QTMAN: variants seen among roughly 807,000 people sequenced by gnomAD.
The protein encoded by QTMAN is tRNA-queuosine alpha-mannosyltransferase.
chr2:143,967,051 A>G, the QTMAN span, among the ~76,000 whole-genome samples: 1 of 152,348 alleles, frequency 6.6e-6, no homozygotes, highest in South Asian at 2.1e-4. Context: ...TGAAAGAGAA[A>G]TGCTTGACTC....
At chr2:144,296,251 G>C in the QTMAN span, among the ~76,000 whole-genome samples, 1 of 152,120 alleles carries the variant, frequency 6.6e-6, no homozygotes, top group Non-Finnish European at 1.5e-5. Flanking sequence ...TGAGTAAACT[G>C]TCTCTCTTAC....
chr2:144,132,560 CAT>C, the QTMAN span, among the ~76,000 whole-genome samples: 1 of 152,088 alleles, frequency 6.6e-6, no homozygotes, highest in Non-Finnish European at 1.5e-5. Context: ...AACAGCTGTA[CAT>C]GTGACCTTTC....
At chr2:144,017,853 AAACTAG>A in the QTMAN span, among the ~76,000 whole-genome samples, 1 of 152,190 alleles carries the variant, frequency 6.6e-6, no homozygotes, top group Non-Finnish European at 1.5e-5. Flanking sequence ...CCTATTTTAT[AAACTAG>A]AGACCCATGC....
chr2:144,143,596 G>A, the QTMAN span, among the ~76,000 whole-genome samples: 121 of 152,022 alleles, frequency 8.0e-4, no homozygotes, highest in South Asian at 4.6e-3. Context: ...GGGGGTGTGG[G>A]TGATTACAAC....
chr2:144,042,764 A>C, the QTMAN span, among the ~76,000 whole-genome samples: 3 of 112,342 alleles, frequency 2.7e-5, no homozygotes, highest in African/African-American at 1.2e-4. Flanking sequence ...ACTCTGTCTC[A>C]AAAAAAAAAA....
the QTMAN span, among the ~76,000 whole-genome samples, chr2:144,238,939 C>T: frequency 3.0e-4 from 46 of 152,174 alleles, no homozygotes; most frequent in African/African-American, 1.1e-3. Context: ...CTCTTTGAAA[C>T]TTTAATGATA....
At chr2:144,275,326 G>A in the QTMAN span, among the ~76,000 whole-genome samples, 1 of 151,410 alleles carries the variant, frequency 6.6e-6, no homozygotes, top group Non-Finnish European at 1.5e-5. Flanking sequence ...GGAGGTTGCA[G>A]TAAGCCGAGA....
chr2:144,069,297 CAAAAAAA>C, the QTMAN span, among the ~76,000 whole-genome samples: 2 of 85,500 alleles, frequency 2.3e-5, no homozygotes, highest in Non-Finnish European at 5.4e-5. Flanking sequence ...GAATCTTTTA[CAAAAAAA>C]AAAAAAAAAC....
the QTMAN span, among the ~76,000 whole-genome samples, chr2:144,012,177 C>T: frequency 1.7e-4 from 26 of 152,018 alleles, no homozygotes; most frequent in Middle Eastern, 3.2e-3. Context: ...CACCTCTGTC[C>T]GCCAGTATGG....
At chr2:144,102,475 C>T in the QTMAN span, among the ~76,000 whole-genome samples, 14 of 152,162 alleles carry the variant, frequency 9.2e-5, no homozygotes, top group African/African-American at 3.1e-4. Flanking sequence ...GACACTGACG[C>T]CCACAGCACT....
chr2:144,189,620 CT>C, the QTMAN span, among the ~76,000 whole-genome samples: 13 of 149,576 alleles, frequency 8.7e-5, no homozygotes, highest in Middle Eastern at 6.8e-3. Context: ...TTTTCTTTTT[CT>C]TTTTTTTTTC....
At chr2:144,019,435 G>GGGGTGTGTGT in the QTMAN span, among the ~76,000 whole-genome samples, 367 of 117,266 alleles carry the variant, frequency 3.1e-3, 2 homozygotes, top group Middle Eastern at 0.013. Context: ...TAAGCATGCA[G>GGGGTGTGTGT]GTGTGTGTGT....
chr2:144,273,593 T>C, the QTMAN span, among the ~76,000 whole-genome samples: 1 of 152,170 alleles, frequency 6.6e-6, no homozygotes, highest in Non-Finnish European at 1.5e-5. Flanking sequence ...CTCTAAGGAC[T>C]GGTCTTATAT....
the QTMAN span, among the ~76,000 whole-genome samples, chr2:144,286,406 T>C: frequency 1.3e-5 from 2 of 152,202 alleles, no homozygotes; most frequent in African/African-American, 4.8e-5. Flanking sequence ...TATATGATAA[T>C]TTTTCTGCAA....
At chr2:144,209,740 C>T in the QTMAN span, among the ~76,000 whole-genome samples, 27 of 152,178 alleles carry the variant, frequency 1.8e-4, no homozygotes, top group African/African-American at 6.3e-4. Flanking sequence ...ATGTTATTTC[C>T]TGTAAGACAT....
chr2:144,070,833 C>T, the QTMAN span, among the ~76,000 whole-genome samples: 5 of 151,988 alleles, frequency 3.3e-5, no homozygotes, highest in Admixed American at 2.0e-4. Context: ...TATCAGAAAC[C>T]CTGAGCCAAA....
At chr2:143,997,262 C>CT in the QTMAN span, among the ~76,000 whole-genome samples, 3 of 152,062 alleles carry the variant, frequency 2.0e-5, no homozygotes, top group African/African-American at 7.2e-5. Flanking sequence ...CCCACTCAGA[C>CT]ATTTTAATAA....
chr2:144,169,495 T>C, the QTMAN span, among the ~76,000 whole-genome samples: 1 of 152,184 alleles, frequency 6.6e-6, no homozygotes, highest in Admixed American at 6.6e-5. Context: ...TACTTCAGTA[T>C]CTAAATATTA....
chr2:144,266,310 G>GA, the QTMAN span, among the ~76,000 whole-genome samples: 3 of 152,142 alleles, frequency 2.0e-5, no homozygotes, highest in Admixed American at 6.5e-5. Flanking sequence ...TCCAGAATTT[G>GA]AAAAATGGCA....
Sources: allele counts gnomAD v4.1 joint callset (sites outside exome capture counted in the v4.1 genomes callset), GRCh38; gene constraint gnomAD v4.1.1; transcripts MANE v1.5; gene names NCBI Gene and HGNC (gene_info 2026-07-23, HGNC 2026-07-21).